The following AMPH variants were observed in gnomAD, a reference collection of about 807,000 sequenced individuals.
The protein encoded by AMPH is amphiphysin, also known as amphiphysin (Stiff-Mann syndrome with breast cancer 128kD autoantigen).
A neutral mutation model predicts 99.1 loss-of-function variants in AMPH; 49 were observed. That is an observed-to-expected ratio of 0.49 (90% CI 0.39 to 0.63). The LOEUF (loss-of-function observed/expected upper bound fraction) is 0.63, where lower values mean the gene tolerates loss of function less well. AMPH is among the 20% of genes least tolerant of loss of function. The pLI is 0.00. For synonymous variants in AMPH, 314 were observed against 317.3 expected (o/e 0.99, Z 0.11); for missense variants, 759 against 863.4 (o/e 0.88, Z 1.52).
intron 11 of AMPH, among the ~76,000 whole-genome samples, chr7:38,445,010 T>TATATATACACACAC (rs1458295332): frequency 3.2e-5 from 4 of 125,990 alleles, no homozygotes; most frequent in Admixed American, 8.2e-5. Context: ...TATATATATA[T>TATATATACACACAC]ACACACACAC....
intron 1 of AMPH, among the ~76,000 whole-genome samples, chr7:38,626,051 AAATAGCTGTAT>A (rs1319810849): frequency 6.6e-6 from 1 of 152,246 alleles, no homozygotes; most frequent in Admixed American, 6.5e-5. Flanking sequence ...ATAGATCAAG[AAATAGCTGTAT>A]AAGCATATTT....
chr7:38,493,248 T>C (rs1788798257), intron 4 of AMPH, among the ~76,000 whole-genome samples: 1 of 152,130 alleles, frequency 6.6e-6, no homozygotes, highest in Non-Finnish European at 1.5e-5. Context: ...CACATCAAAT[T>C]TAGGTCGTCT....
At chr7:38,622,475 A>ACACACG (rs1220424786) in intron 1 of AMPH, among the ~76,000 whole-genome samples, 8 of 151,746 alleles carry the variant, frequency 5.3e-5, no homozygotes, top group Non-Finnish European at 8.8e-5. Flanking sequence ...ACACACACAC[A>ACACACG]CACGCACAAA....
intron 2 of AMPH, among the ~76,000 whole-genome samples, chr7:38,519,048 G>T (rs1162995433): frequency 2.0e-5 from 3 of 152,168 alleles, no homozygotes; most frequent in African/African-American, 4.8e-5. Context: ...CTGATAAAAA[G>T]GATAAGTTCA....
intron 2 of AMPH, among the ~76,000 whole-genome samples, 153 bp from the exon 3 acceptor site, chr7:38,503,857 C>A (rs1212807837): frequency 9.9e-5 from 15 of 152,116 alleles, no homozygotes; most frequent in Admixed American, 9.8e-4. Flanking sequence ...GCAATAATGT[C>A]CATCAGTCTA....
At chr7:38,562,037 C>A (rs1349505122) in intron 1 of AMPH, among the ~76,000 whole-genome samples, 1 of 149,606 alleles carries the variant, frequency 6.7e-6, no homozygotes, top group Non-Finnish European at 1.5e-5. Flanking sequence ...GGTGGGACTT[C>A]AGATGAGGGC....
intron 15 of AMPH, among the ~76,000 whole-genome samples, chr7:38,423,018 A>G (rs1785647218): frequency 6.6e-6 from 1 of 152,236 alleles, no homozygotes; most frequent in Admixed American, 6.5e-5. Flanking sequence ...TATTCTAAAT[A>G]TAAGTCTCTG....
chr7:38,477,139 A>G (rs1584142942), intron 5 of AMPH, among the ~76,000 whole-genome samples, 170 bp from the exon 6 acceptor site: 2 of 151,870 alleles, frequency 1.3e-5, no homozygotes, highest in Admixed American at 1.3e-4. Flanking sequence ...TCAGATGAAC[A>G]CCTCCAATCC....
chr7:38,477,007 G>A, intron 5 of AMPH, 38 bp from the exon 6 acceptor site: 2 of 1,577,808 alleles, frequency 1.3e-6, no homozygotes, highest in Non-Finnish European at 1.7e-6. Flanking sequence ...AAAGAAGCAT[G>A]GACATAAGAG....
At chr7:38,524,480 G>A (rs1195870416) in intron 2 of AMPH, among the ~76,000 whole-genome samples, 2 of 152,122 alleles carry the variant, frequency 1.3e-5, no homozygotes, top group Non-Finnish European at 2.9e-5. Context: ...GCAAAATTTG[G>A]GGATCTGCAA....
chr7:38,500,467 C>T (rs79682153), intron 3 of AMPH, among the ~76,000 whole-genome samples: 4,070 of 152,212 alleles, frequency 0.027, 163 homozygotes, highest in African/African-American at 0.093. Context: ...TTATCTGATG[C>T]TTCACCCAGC....
At chr7:38,462,146 T>G (rs1213664617) in intron 10 of AMPH, among the ~76,000 whole-genome samples, 1 of 152,234 alleles carries the variant, frequency 6.6e-6, no homozygotes, top group Non-Finnish European at 1.5e-5. Flanking sequence ...ACACAAGATA[T>G]TCAACACGGT....
chr7:38,445,949 C>CTT (rs1182354637), intron 11 of AMPH, among the ~76,000 whole-genome samples: 1 of 152,010 alleles, frequency 6.6e-6, no homozygotes. Flanking sequence ...CCTCCTCTCT[C>CTT]TCTTCCTCCT....
At chr7:38,470,528 C>T (rs1787844230) in intron 7 of AMPH, among the ~76,000 whole-genome samples, 1 of 152,106 alleles carries the variant, frequency 6.6e-6, no homozygotes, top group Admixed American at 6.6e-5. Flanking sequence ...GTCATGGCTC[C>T]TTCTACATCT....
chr7:38,517,103 T>C (rs559570072), intron 2 of AMPH, among the ~76,000 whole-genome samples: 9 of 152,320 alleles, frequency 5.9e-5, no homozygotes, highest in Non-Finnish European at 1.0e-4. Context: ...CTGTGGACTT[T>C]TGAGTTAATG....
At chr7:38,524,238 A>G (rs188592475) in intron 2 of AMPH, among the ~76,000 whole-genome samples, 9 of 152,324 alleles carry the variant, frequency 5.9e-5, no homozygotes, top group Non-Finnish European at 8.8e-5. Context: ...AGTACTCCTC[A>G]GAAGTGTCAA....
rs749558996 is a variant in AMPH at position 38,534,982 on chromosome 7, C to T, written c.99G>A (p.Glu33=). The T allele has an allele frequency of 8.7e-6, 14 of 1,613,976 alleles. No homozygotes were observed. Among genetic ancestry groups the T allele is most frequent in the Non-Finnish European group, 1.1e-5 (13 of 1,180,012 alleles). Residue 33 remains glutamate (E), a synonymous_variant, in exon 2 of 21, where the codon GAG becomes GAA. Coordinates refer to ENST00000356264, the MANE Select transcript of AMPH (RefSeq NM_001635.4). ...ATTCTTCGAACTGTTCGTCTTTTGT[C>T]TCATCAGCTTTCCCCAGCTTTTGGA... is the stretch of plus-strand genomic sequence containing the variant. ...KVLQKLGKAD[E]TKDEQFEEYV...
chr7:38,472,896 T>C (rs951189837), intron 7 of AMPH, among the ~76,000 whole-genome samples: 2 of 152,202 alleles, frequency 1.3e-5, no homozygotes, highest in Non-Finnish European at 2.9e-5. Context: ...TCTTTCACGC[T>C]ACGAGACACT....
chr7:38,516,176 T>C (rs1789732371), intron 2 of AMPH, among the ~76,000 whole-genome samples: 2 of 152,250 alleles, frequency 1.3e-5, no homozygotes, highest in South Asian at 4.2e-4. Flanking sequence ...TTTGCATAAG[T>C]AAAAAGGAGC....
Sources: allele counts gnomAD v4.1 joint callset (sites outside exome capture counted in the v4.1 genomes callset), GRCh38; gene constraint gnomAD v4.1.1; transcripts MANE v1.5; gene names NCBI Gene and HGNC (gene_info 2026-07-23, HGNC 2026-07-21).